The following EFNA5 variants were observed in gnomAD, a reference collection of about 807,000 sequenced individuals.
EFNA5 encodes the protein ephrin A5.
In EFNA5, 5 loss-of-function variants were observed where a neutral mutation model predicts 22.9. That is an observed-to-expected ratio of 0.22 (90% confidence interval 0.11 to 0.46). The LOEUF is 0.46. Among genes scored for constraint, EFNA5 ranks in the 20% least tolerant of loss-of-function variants. The pLI is 0.99. For missense variants in EFNA5, 237 were observed against 293.3 expected, an observed-to-expected ratio of 0.81 and a Z score of 1.40; for synonymous variants, 113 against 112.2, an observed-to-expected ratio of 1.01 and a Z score of -0.04.
At chr5:107,555,189 G>A (rs567552380) in intron 1 of EFNA5, among the ~76,000 whole-genome samples, 57 of 152,334 alleles carry the variant, frequency 3.7e-4, no homozygotes, top group African/African-American at 1.4e-3. Flanking sequence ...CCACACACCA[G>A]TTCACATATG....
chr5:107,581,338 T>C (rs1008983116), intron 1 of EFNA5, among the ~76,000 whole-genome samples: 1 of 152,232 alleles, frequency 6.6e-6, no homozygotes, highest in Non-Finnish European at 1.5e-5. Flanking sequence ...GATATGATCC[T>C]GAGAGATTAT....
At chr5:107,383,709 G>C (rs774529656) in intron 4 of EFNA5, among the ~76,000 whole-genome samples, 1 of 152,050 alleles carries the variant, frequency 6.6e-6, no homozygotes, top group African/African-American at 2.4e-5. Context: ...TTAGATCTTC[G>C]GTGTGAACCC....
intron 1 of EFNA5, among the ~76,000 whole-genome samples, chr5:107,497,489 T>C (rs1332949356): frequency 2.0e-5 from 3 of 152,168 alleles, no homozygotes; most frequent in Non-Finnish European, 4.4e-5. Flanking sequence ...ATAGAAACTT[T>C]GAAATGTGGT....
intron 1 of EFNA5, among the ~76,000 whole-genome samples, chr5:107,642,717 C>T (rs1377279271): frequency 6.6e-6 from 1 of 151,944 alleles, no homozygotes; most frequent in African/African-American, 2.4e-5. Context: ...GTAAAATGTT[C>T]GCAAAATGGA....
At chr5:107,548,737 C>T (rs1748223783) in intron 1 of EFNA5, among the ~76,000 whole-genome samples, 1 of 152,100 alleles carries the variant, frequency 6.6e-6, no homozygotes, top group Non-Finnish European at 1.5e-5. Context: ...AATGTGAAAC[C>T]ACCTGTCAGT....
chr5:107,474,079 G>GT (rs11405774), intron 1 of EFNA5, among the ~76,000 whole-genome samples: 23,694 of 152,062 alleles, frequency 0.16, 3,172 homozygotes, highest in East Asian at 0.31. Flanking sequence ...GTACACTTGA[G>GT]TTTAGCCAGT....
At chr5:107,409,653 G>A (rs1432287611) in intron 2 of EFNA5, among the ~76,000 whole-genome samples, 1 of 152,166 alleles carries the variant, frequency 6.6e-6, no homozygotes, top group Non-Finnish European at 1.5e-5. Context: ...CTTACGAATA[G>A]GTTTATAAGG....
chr5:107,456,027 A>G (rs1225203616), intron 1 of EFNA5, among the ~76,000 whole-genome samples: 1 of 152,160 alleles, frequency 6.6e-6, no homozygotes, highest in African/African-American at 2.4e-5. Flanking sequence ...TAGCTTTGAC[A>G]GACATTAATA....
At chr5:107,449,526 C>T (rs1282395478) in intron 1 of EFNA5, among the ~76,000 whole-genome samples, 1 of 147,820 alleles carries the variant, frequency 6.8e-6, no homozygotes, top group Non-Finnish European at 1.5e-5. Flanking sequence ...CCCCCAACTA[C>T]ACCTGCTCTG....
intron 1 of EFNA5, among the ~76,000 whole-genome samples, chr5:107,464,847 G>A (rs544708738): frequency 6.6e-6 from 1 of 152,218 alleles, no homozygotes; most frequent in East Asian, 1.9e-4. Flanking sequence ...AACACCTCAA[G>A]TCCACAACTA....
At chr5:107,515,362 T>TTTA (rs70996961) in intron 1 of EFNA5, among the ~76,000 whole-genome samples, 7,414 of 141,248 alleles carry the variant, frequency 0.052, 308 homozygotes, top group African/African-American at 0.11. Flanking sequence ...TATTTTTTAT[T>TTTA]TTATTATTAT....
chr5:107,513,415 C>A (rs369573662), intron 1 of EFNA5, among the ~76,000 whole-genome samples: 1 of 152,096 alleles, frequency 6.6e-6, no homozygotes, highest in East Asian at 1.9e-4. Context: ...CATTTCAGAG[C>A]ATGTCAGGAA....
chr5:107,542,718 A>G (rs764875249), intron 1 of EFNA5, among the ~76,000 whole-genome samples: 69 of 152,216 alleles, frequency 4.5e-4, no homozygotes, highest in Non-Finnish European at 8.1e-4. Flanking sequence ...CCAAATATCC[A>G]GCAACTCTGG....
chr5:107,519,113 T>G (rs1385371708), intron 1 of EFNA5, among the ~76,000 whole-genome samples: 1 of 152,240 alleles, frequency 6.6e-6, no homozygotes, highest in Non-Finnish European at 1.5e-5. Context: ...CAAAGGTAGT[T>G]GCCACAAGAA....
At chr5:107,559,417 A>C (rs1356171956) in intron 1 of EFNA5, among the ~76,000 whole-genome samples, 3 of 152,244 alleles carry the variant, frequency 2.0e-5, no homozygotes, top group Non-Finnish European at 4.4e-5. Context: ...CAACAGGCCC[A>C]TAATGAGCAC....
intron 1 of EFNA5, among the ~76,000 whole-genome samples, chr5:107,615,641 G>C (rs900780063): frequency 2.0e-5 from 3 of 152,054 alleles, no homozygotes; most frequent in African/African-American, 7.2e-5. Context: ...TTTCCTCTCT[G>C]GTTTCTAGAG....
chr5:107,623,976 G>C (rs867463573), intron 1 of EFNA5, among the ~76,000 whole-genome samples: 1 of 151,996 alleles, frequency 6.6e-6, no homozygotes, highest in East Asian at 1.9e-4. Context: ...ATACACAAGT[G>C]GGGGAGTCGC....
chr5:107,567,090 T>C (rs948098334), intron 1 of EFNA5, among the ~76,000 whole-genome samples: 1 of 152,206 alleles, frequency 6.6e-6, no homozygotes, highest in African/African-American at 2.4e-5. Context: ...TAAAGCTAGA[T>C]ATGATTGGAA....
intron 1 of EFNA5, among the ~76,000 whole-genome samples, chr5:107,589,539 G>T (rs893207339): frequency 2.6e-5 from 4 of 152,142 alleles, no homozygotes; most frequent in African/African-American, 4.8e-5. Context: ...TTTAAAAACT[G>T]CAGAATGAAG....
Sources: allele counts gnomAD v4.1 joint callset (sites outside exome capture counted in the v4.1 genomes callset), GRCh38; gene constraint gnomAD v4.1.1; transcripts MANE v1.5; gene names NCBI Gene and HGNC (gene_info 2026-07-23, HGNC 2026-07-21).